CSMD1: variants seen among roughly 807,000 people sequenced by gnomAD.
CSMD1 encodes CUB and sushi domain-containing protein 1.
In CSMD1, 213 loss-of-function variants were observed where a neutral mutation model predicts 417.5. That is an observed-to-expected ratio of 0.51 (90% CI 0.46 to 0.57). The LOEUF (loss-of-function observed/expected upper bound fraction) is 0.57. CSMD1 is among the 20% of genes least tolerant of loss of function. The pLI is 0.00. For missense variants in CSMD1, 6,923 were observed against 4,529.7 expected, an observed-to-expected ratio of 1.53 and a Z score of -15.17; for synonymous variants, 2,862 against 1,736.8, an observed-to-expected ratio of 1.65 and a Z score of -16.11.
At chr8:4,042,441 T>G (rs974046197) in intron 3 of CSMD1, among the ~76,000 whole-genome samples, 5 of 152,142 alleles carry the variant, frequency 3.3e-5, no homozygotes, top group Non-Finnish European at 4.4e-5. Flanking sequence ...CTAAATAAAT[T>G]TATATGACAA....
chr8:3,567,445 A>C, intron 10 of CSMD1, among the ~76,000 whole-genome samples: 1 of 151,870 alleles, frequency 6.6e-6, no homozygotes. Context: ...AATAAAAATA[A>C]AAATATAAAT....
intron 1 of CSMD1, among the ~76,000 whole-genome samples, chr8:4,664,993 C>A (rs371880700): frequency 1.3e-5 from 2 of 152,112 alleles, no homozygotes; most frequent in African/African-American, 4.8e-5. Context: ...AATATCTCAT[C>A]GTGTTCTTCA....
chr8:4,111,741 G>A (rs980690066), intron 3 of CSMD1, among the ~76,000 whole-genome samples: 1 of 152,110 alleles, frequency 6.6e-6, no homozygotes. Flanking sequence ...GAAACAGAGA[G>A]GGCAACAACA....
At chr8:4,578,283 C>T (rs886566337) in intron 2 of CSMD1, among the ~76,000 whole-genome samples, 1 of 148,934 alleles carries the variant, frequency 6.7e-6, no homozygotes, top group Non-Finnish European at 1.5e-5. Flanking sequence ...GCCTCAGCCT[C>T]CCGAGTAGAG....
At chr8:3,901,084 C>A (rs1200540137) in intron 5 of CSMD1, among the ~76,000 whole-genome samples, 1 of 152,082 alleles carries the variant, frequency 6.6e-6, no homozygotes, top group Non-Finnish European at 1.5e-5. Context: ...TAATTTATAA[C>A]CTGGAGTCCA....
At chr8:3,228,317 A>G (rs865894504) in intron 27 of CSMD1, among the ~76,000 whole-genome samples, 13 of 152,252 alleles carry the variant, frequency 8.5e-5, no homozygotes, top group Non-Finnish European at 4.4e-5. Flanking sequence ...CTCATGCCCT[A>G]ATGGGCAAGC....
At chr8:3,736,274 C>T (rs1486316802) in intron 6 of CSMD1, among the ~76,000 whole-genome samples, 1 of 152,006 alleles carries the variant, frequency 6.6e-6, no homozygotes, top group Admixed American at 6.6e-5. Context: ...CAGGGTCTCA[C>T]TGTGTCACCC....
chr8:4,205,185 G>C (rs897295262), intron 3 of CSMD1, among the ~76,000 whole-genome samples: 5 of 152,138 alleles, frequency 3.3e-5, no homozygotes, highest in Non-Finnish European at 7.3e-5. Flanking sequence ...AGAAACATCT[G>C]ATTTAAATAA....
chr8:3,508,304 A>C (rs913627446), intron 10 of CSMD1, among the ~76,000 whole-genome samples: 3 of 142,748 alleles, frequency 2.1e-5, no homozygotes, highest in Non-Finnish European at 4.6e-5. Context: ...CCCCCAGGGC[A>C]GGTGAGAACA....
intron 2 of CSMD1, among the ~76,000 whole-genome samples, chr8:4,605,837 G>A (rs17070773): frequency 0.078 from 11,906 of 152,190 alleles, 598 homozygotes; most frequent in East Asian, 0.15. Context: ...ACAAGGGTTC[G>A]TGTTCTAATT....
chr8:4,325,038 C>T (rs1291261666), intron 3 of CSMD1, among the ~76,000 whole-genome samples: 1 of 152,122 alleles, frequency 6.6e-6, no homozygotes, highest in Non-Finnish European at 1.5e-5. Flanking sequence ...ACTGTGGCTC[C>T]TTAAAATGGC....
At chr8:4,128,825 G>A (rs1053232860) in intron 3 of CSMD1, among the ~76,000 whole-genome samples, 4 of 152,074 alleles carry the variant, frequency 2.6e-5, no homozygotes, top group Admixed American at 1.3e-4. Flanking sequence ...GGTAAGTTTC[G>A]GGATTCATGT....
intron 24 of CSMD1, 139 bp from the exon 25 acceptor site, chr8:3,307,960 C>G: frequency 1.1e-6 from 1 of 945,780 alleles, no homozygotes; most frequent in East Asian, 2.7e-5. Context: ...TCTCTCCTGA[C>G]CGTTTCAATA....
intron 3 of CSMD1, among the ~76,000 whole-genome samples, chr8:4,351,644 A>G (rs1019553434): frequency 6.6e-6 from 1 of 152,212 alleles, no homozygotes; most frequent in Non-Finnish European, 1.5e-5. Context: ...AGGGAGGTTT[A>G]TAGGAAAGGC....
chr8:3,417,750 A>C (rs879700158), intron 12 of CSMD1, among the ~76,000 whole-genome samples: 5 of 152,222 alleles, frequency 3.3e-5, no homozygotes, highest in Non-Finnish European at 5.9e-5. Flanking sequence ...TTTCACTCAG[A>C]AATCCCTAAA....
chr8:4,688,052 G>A (rs1246083322), intron 1 of CSMD1, among the ~76,000 whole-genome samples: 1 of 151,964 alleles, frequency 6.6e-6, no homozygotes, highest in East Asian at 1.9e-4. Context: ...CTAATTGATT[G>A]CCCTATGGCT....
At chr8:4,907,022 T>C (rs1805327611) in intron 1 of CSMD1, among the ~76,000 whole-genome samples, 1 of 152,222 alleles carries the variant, frequency 6.6e-6, no homozygotes, top group African/African-American at 2.4e-5. Context: ...TGTCTTAAAG[T>C]GCCATCATAA....
intron 41 of CSMD1, among the ~76,000 whole-genome samples, chr8:3,129,344 A>G (rs1817671981): frequency 6.6e-6 from 1 of 152,212 alleles, no homozygotes; most frequent in African/African-American, 2.4e-5. Flanking sequence ...TGATTCCTAC[A>G]TGGGCTTTTT....
intron 6 of CSMD1, among the ~76,000 whole-genome samples, chr8:3,727,092 C>T (rs889802988): frequency 5.3e-5 from 8 of 152,086 alleles, no homozygotes; most frequent in African/African-American, 1.7e-4. Flanking sequence ...TTTAATGTTA[C>T]CCAACTTACT....
Sources: allele counts gnomAD v4.1 joint callset (sites outside exome capture counted in the v4.1 genomes callset), GRCh38; gene constraint gnomAD v4.1.1; transcripts MANE v1.5; gene names NCBI Gene and HGNC (gene_info 2026-07-23, HGNC 2026-07-21).